Variants in TMEM117 observed in about 807,000 individuals in gnomAD.
TMEM117 encodes transmembrane protein 117.
TMEM117 carries 27 observed loss-of-function variants against 52.4 expected under a neutral mutation model. That is an observed-to-expected ratio of 0.51 (90% CI 0.38 to 0.71). The LOEUF is 0.71. TMEM117 is among the 30% of genes least tolerant of loss of function. The pLI, the probability that TMEM117 is intolerant of heterozygous loss-of-function variation, is 0.00. For synonymous variants in TMEM117, 215 were observed against 206.3 expected, an observed-to-expected ratio of 1.04 and a Z score of -0.36; for missense variants, 556 against 630.5, an observed-to-expected ratio of 0.88 and a Z score of 1.26.
At chr12:44,093,887 C>T (rs1947713771) in intron 3 of TMEM117, among the ~76,000 whole-genome samples, 1 of 151,966 alleles carries the variant, frequency 6.6e-6, no homozygotes, top group South Asian at 2.1e-4. Context: ...AACTGGTTTG[C>T]ATATCATTGT....
At chr12:44,309,617 C>T (rs1203973931) in intron 6 of TMEM117, among the ~76,000 whole-genome samples, 1 of 152,034 alleles carries the variant, frequency 6.6e-6, no homozygotes, top group Non-Finnish European at 1.5e-5. Flanking sequence ...ATGTACTGGG[C>T]ACTGTCCTGG....
chr12:44,164,971 G>T (rs1417864748), intron 4 of TMEM117, among the ~76,000 whole-genome samples: 1 of 151,914 alleles, frequency 6.6e-6, no homozygotes, highest in African/African-American at 2.4e-5. Context: ...ACAATATATT[G>T]TTAACTATAG....
intron 6 of TMEM117, among the ~76,000 whole-genome samples, chr12:44,333,293 A>G (rs1453524278): frequency 6.6e-6 from 1 of 152,030 alleles, no homozygotes; most frequent in Non-Finnish European, 1.5e-5. Flanking sequence ...CCTGGGCATA[A>G]AATGTGGTGG....
intron 4 of TMEM117, among the ~76,000 whole-genome samples, chr12:44,186,793 A>G (rs1428777532): frequency 6.6e-6 from 1 of 152,188 alleles, no homozygotes; most frequent in Non-Finnish European, 1.5e-5. Flanking sequence ...AAAAATTTAG[A>G]CCATAATGGC....
chr12:44,120,411 G>T (rs899943292), intron 3 of TMEM117, among the ~76,000 whole-genome samples: 2 of 152,064 alleles, frequency 1.3e-5, no homozygotes, highest in African/African-American at 4.8e-5. Flanking sequence ...GGTTCACCAG[G>T]TACAGACTTG....
At chr12:44,074,120 C>A (rs1320914367) in intron 3 of TMEM117, among the ~76,000 whole-genome samples, 2 of 151,898 alleles carry the variant, frequency 1.3e-5, no homozygotes, top group African/African-American at 4.8e-5. Context: ...TACAAAGCCA[C>A]AAATAAAAGT....
chr12:43,898,370 A>T (rs1172847145), intron 2 of TMEM117, among the ~76,000 whole-genome samples: 2 of 140,524 alleles, frequency 1.4e-5, no homozygotes, highest in Admixed American at 1.4e-4. Context: ...TATATTATTA[A>T]TAATATATAT....
At chr12:44,162,003 G>C (rs1948904954) in intron 4 of TMEM117, among the ~76,000 whole-genome samples, 1 of 151,956 alleles carries the variant, frequency 6.6e-6, no homozygotes, top group Non-Finnish European at 1.5e-5. Flanking sequence ...AAAATAAATT[G>C]GACTTTATGC....
intron 6 of TMEM117, among the ~76,000 whole-genome samples, chr12:44,329,008 A>G (rs765210083): frequency 2.4e-4 from 36 of 151,946 alleles, no homozygotes; most frequent in Non-Finnish European, 4.4e-4. Flanking sequence ...AGGGACAAGC[A>G]GAAGCCATGA....
chr12:44,166,423 A>G (rs771085235), intron 4 of TMEM117, among the ~76,000 whole-genome samples: 6 of 152,188 alleles, frequency 3.9e-5, no homozygotes, highest in Non-Finnish European at 7.4e-5. Context: ...TATTAAAAAT[A>G]GGTTTTGTGA....
Position 44,382,209 on chromosome 12 carries a change from G to A in TMEM117, c.898+5485G>A, listed in dbSNP as rs151054166. ...TGAGTTTCTGCCCTGCCCACCCTGAGGTATCCTGTCTTCATTTGTACATAC... is the reference window on the plus strand; with the variant it reads ...TGAGTTTCTGCCCTGCCCACCCTGAAGTATCCTGTCTTCATTTGTACATAC... On this transcript the variant is annotated intron_variant, in intron 7 of 7. Coordinates refer to ENST00000266534, the MANE Select transcript of TMEM117 (RefSeq NM_032256.3). Among the ~76,000 whole-genome samples the A allele has an allele frequency of 7.1e-3, 1,078 of 152,138 alleles. 14 individuals are homozygous for A. Among genetic ancestry groups the A allele is most frequent in the African/African-American group, 0.025 (1,040 of 41,504 alleles).
the TMEM117 span, among the ~76,000 whole-genome samples, chr12:43,801,903 G>A: frequency 6.6e-6 from 1 of 152,134 alleles, no homozygotes; most frequent in African/African-American, 2.4e-5. Context: ...GGTGGCACAT[G>A]CCTGTAATCC....
At chr12:43,983,202 G>C (rs1043968278) in intron 3 of TMEM117, among the ~76,000 whole-genome samples, 4 of 152,230 alleles carry the variant, frequency 2.6e-5, no homozygotes, top group Admixed American at 2.0e-4. Context: ...ACAAGTCTCT[G>C]GTAGGCTTTG....
intron 6 of TMEM117, among the ~76,000 whole-genome samples, chr12:44,357,186 G>A (rs1951661522): frequency 6.6e-6 from 1 of 152,096 alleles, no homozygotes; most frequent in African/African-American, 2.4e-5. Context: ...CTTGGATTTT[G>A]AGCTTTCCTG....
intron 5 of TMEM117, among the ~76,000 whole-genome samples, chr12:44,283,173 T>C (rs1214881093): frequency 6.6e-6 from 1 of 152,210 alleles, no homozygotes; most frequent in African/African-American, 2.4e-5. Flanking sequence ...GAACCTTTGC[T>C]AGGGCAGTGC....
chr12:44,336,711 GT>G (rs1011065722), intron 6 of TMEM117, among the ~76,000 whole-genome samples: 2 of 150,770 alleles, frequency 1.3e-5, no homozygotes, highest in African/African-American at 2.4e-5. Flanking sequence ...AACCATAGGG[GT>G]TTTTTTTTGG....
At chr12:44,334,608 G>A (rs1414532200) in intron 6 of TMEM117, among the ~76,000 whole-genome samples, 2 of 151,942 alleles carry the variant, frequency 1.3e-5, no homozygotes, top group African/African-American at 2.4e-5. Context: ...TGAGACACGT[G>A]GCATGATTAC....
At chr12:43,820,103 TTTTTTG>T in the TMEM117 span, among the ~76,000 whole-genome samples, 90 of 151,582 alleles carry the variant, frequency 5.9e-4, no homozygotes, top group Admixed American at 1.2e-3. Flanking sequence ...AGGTGTATTT[TTTTTTG>T]TTTTTGTTTT....
At chr12:44,183,003 A>G (rs1461560140) in intron 4 of TMEM117, among the ~76,000 whole-genome samples, 1 of 152,194 alleles carries the variant, frequency 6.6e-6, no homozygotes, top group Non-Finnish European at 1.5e-5. Context: ...GAACATCATT[A>G]TAATCATTTA....
Sources: allele counts gnomAD v4.1 joint callset (sites outside exome capture counted in the v4.1 genomes callset), GRCh38; gene constraint gnomAD v4.1.1; transcripts MANE v1.5; gene names NCBI Gene and HGNC (gene_info 2026-07-23, HGNC 2026-07-21).